LSAMP: variants seen among roughly 807,000 people sequenced by gnomAD.
LSAMP encodes limbic system-associated membrane protein.
Under a neutral mutation model 38.6 loss-of-function variants are expected in LSAMP, and 7 were observed. That is an observed-to-expected ratio of 0.18 (90% CI 0.10 to 0.34). LSAMP has a LOEUF of 0.34. Ranked by LOEUF, LSAMP falls within the 10% of genes least tolerant of loss-of-function variation. LSAMP has a pLI of 1.00. For synonymous variants in LSAMP, 154 were observed against 166.8 expected (o/e 0.92, Z 0.59); for missense variants, 313 against 420.0 (o/e 0.75, Z 2.23).
rs951710475 is a variant in LSAMP at position 116,111,578 on chromosome 3, T to C, written c.156-25022A>G. On this transcript the variant is annotated intron_variant, in intron 1 of 6. Coordinates refer to ENST00000490035, the MANE Select transcript of LSAMP (RefSeq NM_002338.5). ...AAAAGTAGATTTTCATAAAGTGATA[T>C]GGTTTATCACCTTAGTAGTCTTTTT... Among the ~76,000 whole-genome samples the C allele has an allele frequency of 3.9e-5, 6 of 152,120 alleles. No individual in the cohort carries two copies. In the East Asian group the frequency reaches 9.6e-4, roughly 24 times the overall value.
At chr3:116,347,277 G>T (rs1204392064) in intron 1 of LSAMP, among the ~76,000 whole-genome samples, 1 of 152,160 alleles carries the variant, frequency 6.6e-6, no homozygotes, top group Non-Finnish European at 1.5e-5. Context: ...TACAGAACTT[G>T]CTTCTTCTTC....
At chr3:115,866,461 G>A (rs1353146766) in intron 3 of LSAMP, among the ~76,000 whole-genome samples, 4 of 152,088 alleles carry the variant, frequency 2.6e-5, no homozygotes, top group South Asian at 2.1e-4. Flanking sequence ...GAAAATGTAC[G>A]TTACCTTTCT....
chr3:116,174,773 ACT>A (rs948811945), intron 1 of LSAMP, among the ~76,000 whole-genome samples: 7 of 151,658 alleles, frequency 4.6e-5, no homozygotes, highest in African/African-American at 1.7e-4. Context: ...ATGGACAATG[ACT>A]CTCTGCCGTC....
intron 3 of LSAMP, among the ~76,000 whole-genome samples, chr3:115,884,627 G>T (rs765452832): frequency 3.3e-4 from 50 of 151,958 alleles, no homozygotes; most frequent in Non-Finnish European, 6.8e-4. Flanking sequence ...GATGGCACTG[G>T]ATGTAAAGAT....
chr3:115,989,724 G>C (rs1299925024), intron 3 of LSAMP, among the ~76,000 whole-genome samples: 2 of 152,038 alleles, frequency 1.3e-5, no homozygotes, highest in Admixed American at 1.3e-4. Context: ...AATGTACTTA[G>C]TCTCCGGAAT....
intron 1 of LSAMP, among the ~76,000 whole-genome samples, chr3:116,196,025 A>G (rs1710874821): frequency 6.6e-6 from 1 of 152,236 alleles, no homozygotes; most frequent in African/African-American, 2.4e-5. Context: ...TTTGATAGTT[A>G]GTGCAAAGTC....
chr3:116,439,114 AACT>A (rs2049395188), intron 1 of LSAMP, among the ~76,000 whole-genome samples: 1 of 152,082 alleles, frequency 6.6e-6, no homozygotes, highest in Non-Finnish European at 1.5e-5. Flanking sequence ...TCCCCAAACA[AACT>A]ACATCAGAAT....
At chr3:116,301,372 C>G (rs1255276661) in intron 1 of LSAMP, among the ~76,000 whole-genome samples, 1 of 152,106 alleles carries the variant, frequency 6.6e-6, no homozygotes, top group Non-Finnish European at 1.5e-5. Flanking sequence ...CCCTCTGTAC[C>G]TGACATCCAA....
chr3:115,946,407 C>T (rs1277962099), intron 3 of LSAMP, among the ~76,000 whole-genome samples: 1 of 152,118 alleles, frequency 6.6e-6, no homozygotes, highest in African/African-American at 2.4e-5. Flanking sequence ...AAGAAATTTT[C>T]CCTATAGGCA....
intron 6 of LSAMP, chr3:115,834,720 C>A: frequency 5.9e-6 from 2 of 336,926 alleles, no homozygotes; most frequent in Non-Finnish European, 9.6e-6. Context: ...AGGATCATAT[C>A]TCTCATAAAA....
chr3:116,216,607 G>C (rs1425479134), intron 1 of LSAMP, among the ~76,000 whole-genome samples: 1 of 151,832 alleles, frequency 6.6e-6, no homozygotes, highest in African/African-American at 2.4e-5. Flanking sequence ...AAGTGAATAG[G>C]AAGTGGGAGA....
At chr3:116,345,371 C>G (rs58236143) in intron 1 of LSAMP, among the ~76,000 whole-genome samples, 3,139 of 152,202 alleles carry the variant, frequency 0.021, 114 homozygotes, top group African/African-American at 0.073. Flanking sequence ...GCAGGGCTGT[C>G]AACCCCTCAG....
chr3:116,296,176 T>C (rs978413298), intron 1 of LSAMP, among the ~76,000 whole-genome samples: 1 of 152,198 alleles, frequency 6.6e-6, no homozygotes, highest in Non-Finnish European at 1.5e-5. Flanking sequence ...AAACTTTGAG[T>C]GTAAAGAAGA....
chr3:116,133,665 A>G (rs955736819), intron 1 of LSAMP, among the ~76,000 whole-genome samples: 2 of 152,100 alleles, frequency 1.3e-5, no homozygotes, highest in Non-Finnish European at 2.9e-5. Flanking sequence ...TTCAACATCT[A>G]TTTTTGAGCC....
Position 116,104,820 on chromosome 3 carries a change from A to C in LSAMP, c.156-18264T>G, listed in dbSNP as rs142862711. ...CTCATCTGGGACCTAAATCTACACA[A>C]AAAGACCTTACAGACATTCCTTCTC... On this transcript the variant is annotated intron_variant, in intron 1 of 6. Transcript: ENST00000490035. Among the ~76,000 whole-genome samples, 146 of 152,316 alleles carry C rather than the reference A, an allele frequency of 9.6e-4. 1 individual carries two copies. Among genetic ancestry groups the C allele is most frequent in the African/African-American group, 3.4e-3 (142 of 41,576 alleles).
chr3:115,856,672 T>C (rs2107528848), intron 3 of LSAMP, among the ~76,000 whole-genome samples: 1 of 152,084 alleles, frequency 6.6e-6, no homozygotes, highest in Non-Finnish European at 1.5e-5. Context: ...CTTTGCCTCT[T>C]CTGCCACGTA....
rs548115231 is a variant in LSAMP at position 115,947,823 on chromosome 3, A to G, written c.514+71692T>C. Among the ~76,000 whole-genome samples, 6 of 152,220 alleles carry G rather than the reference A, an allele frequency of 3.9e-5. No individual in the cohort carries two copies. The South Asian group carries it at 6.2e-4, about 16-fold the overall frequency. On this transcript the variant is annotated intron_variant, in intron 3 of 6. Transcript: ENST00000490035. The stretch of plus-strand genomic sequence containing the variant: ...CTTGAATGAGCCAGCCTCATGGGTA[A>G]CATATTATTGACTGTGTTTCTGTGC...
chr3:116,250,448 C>T (rs558150394), intron 1 of LSAMP, among the ~76,000 whole-genome samples: 1 of 152,042 alleles, frequency 6.6e-6, no homozygotes, highest in Non-Finnish European at 1.5e-5. Context: ...TCCATCCCTA[C>T]AAAATATTCA....
intron 1 of LSAMP, among the ~76,000 whole-genome samples, chr3:116,280,523 A>T (rs2047114674): frequency 6.6e-6 from 1 of 152,254 alleles, no homozygotes; most frequent in African/African-American, 2.4e-5. Context: ...CTGAAAACAG[A>T]CCCAGTATTG....
Sources: allele counts gnomAD v4.1 joint callset (sites outside exome capture counted in the v4.1 genomes callset), GRCh38; gene constraint gnomAD v4.1.1; transcripts MANE v1.5; gene names NCBI Gene and HGNC (gene_info 2026-07-23, HGNC 2026-07-21).